DNAJB6: variants seen among roughly 807,000 people sequenced by gnomAD.
The protein encoded by DNAJB6 is DnaJ heat shock protein family (Hsp40) member B6.
DNAJB6 carries 16 observed loss-of-function variants against 42.7 expected under a neutral mutation model. The observed-to-expected ratio is 0.37, with a 90% CI of 0.25 to 0.57. The LOEUF (loss-of-function observed/expected upper bound fraction) is 0.57, where lower values mean the gene tolerates loss of function less well. DNAJB6 is among the 20% of genes least tolerant of loss of function. DNAJB6 has a pLI of 0.74. For synonymous variants in DNAJB6, 170 were observed against 163.5 expected, an observed-to-expected ratio of 1.04 and a Z score of -0.30; for missense variants, 347 against 416.8, an observed-to-expected ratio of 0.83 and a Z score of 1.46.
chr7:157,349,819 A>G (rs548765516), intron 1 of DNAJB6, among the ~76,000 whole-genome samples: 1 of 151,924 alleles, frequency 6.6e-6, no homozygotes, highest in South Asian at 2.1e-4. Context: ...TGATTTTTGT[A>G]TTTTTAGTAG....
At chr7:157,374,511 G>C (rs1800376235) in intron 5 of DNAJB6, among the ~76,000 whole-genome samples, 1 of 152,082 alleles carries the variant, frequency 6.6e-6, no homozygotes, top group Admixed American at 6.6e-5. Flanking sequence ...CACCCACCTC[G>C]GCCACCCAGA....
At chr7:157,382,400 C>G in intron 6 of DNAJB6, 23 bp downstream of exon 6, 5 of 1,524,844 alleles carry the variant, frequency 3.3e-6, no homozygotes, top group Non-Finnish European at 4.4e-6. Context: ...TAGGTTTAAT[C>G]TCTGTTATCT....
At chr7:157,352,304 C>G (rs1241043777) in intron 1 of DNAJB6, among the ~76,000 whole-genome samples, 1 of 151,824 alleles carries the variant, frequency 6.6e-6, no homozygotes, top group Non-Finnish European at 1.5e-5. Flanking sequence ...ACTCTGGCGA[C>G]AGAGCAAGAC....
chr7:157,385,141 T>C, intron 7 of DNAJB6, 133 bp downstream of exon 7: 1 of 932,370 alleles, frequency 1.1e-6, no homozygotes, highest in Non-Finnish European at 1.6e-6. Flanking sequence ...AATCTTTTGC[T>C]CTCCAAATTC....
At chr7:157,348,700 T>A (rs139198437) in intron 1 of DNAJB6, among the ~76,000 whole-genome samples, 2,547 of 152,274 alleles carry the variant, frequency 0.017, 42 homozygotes, top group Non-Finnish European at 0.026. Flanking sequence ...ACCGCTTAAC[T>A]CTTCTACTTA....
chr7:157,337,356 G>A (rs1798093962), intron 1 of DNAJB6, among the ~76,000 whole-genome samples: 1 of 151,192 alleles, frequency 6.6e-6, no homozygotes, highest in African/African-American at 2.4e-5. Context: ...CGGGGCCGGG[G>A]CTGGGGTCTG....
rs533111966 is a variant in DNAJB6, at chr7:157,341,018, A to G, written c.-27+3874A>G. On this transcript the variant is annotated intron_variant, in intron 1 of 9. Transcript: ENST00000262177. The stretch of plus-strand genomic sequence containing the variant: ...TGTGTGCGCGCGCGCAGGTGGAATC[A>G]CCCTGTGTGCCCAGGCTGGTCTCGA... Among the ~76,000 whole-genome samples, 647 of 116,906 alleles carry G rather than the reference A, an allele frequency of 5.5e-3. 6 individuals are homozygous for G. Among genetic ancestry groups the G allele is most frequent in the African/African-American group, 0.018 (615 of 33,558 alleles). 76.7% of individuals were successfully genotyped at this position (116,906 alleles called of 152,430 possible). A position where few individuals can be genotyped will look rare whatever the true frequency, so the allele number is the denominator to read the frequency against.
chr7:157,344,621 T>A (rs529050231), intron 1 of DNAJB6, among the ~76,000 whole-genome samples: 41 of 152,170 alleles, frequency 2.7e-4, no homozygotes, highest in Non-Finnish European at 4.0e-4. Context: ...TAAAAAAAAA[T>A]TTATTATTTT....
intron 8 of DNAJB6, among the ~76,000 whole-genome samples, chr7:157,387,070 GACAA>G (rs1318566621): frequency 1.3e-5 from 2 of 152,180 alleles, no homozygotes; most frequent in Non-Finnish European, 1.5e-5. Flanking sequence ...GCGGTTCCCT[GACAA>G]ACAGCGTAGC....
At chr7:157,382,128 CTT>C (rs952557591) in intron 5 of DNAJB6, 116 bp from the exon 6 acceptor site, 118 of 1,184,970 alleles carry the variant, frequency 1.0e-4, no homozygotes, top group Non-Finnish European at 1.3e-4. Context: ...GTTAAAACCT[CTT>C]AAGTTTTTTG....
intron 1 of DNAJB6, among the ~76,000 whole-genome samples, chr7:157,341,469 G>C (rs537408097): frequency 2.6e-5 from 4 of 152,294 alleles, no homozygotes; most frequent in African/African-American, 9.6e-5. Context: ...CGTGTCTTTG[G>C]AAGGGTGATT....
chr7:157,370,281 GTTA>G (rs1360806928), intron 5 of DNAJB6, among the ~76,000 whole-genome samples: 1 of 136,234 alleles, frequency 7.3e-6, no homozygotes, highest in Non-Finnish European at 1.6e-5. Context: ...TTTCATTAAC[GTTA>G]TTATTAAATG....
chr7:157,356,517 G>T (rs1410606594), intron 1 of DNAJB6, among the ~76,000 whole-genome samples: 1 of 152,132 alleles, frequency 6.6e-6, no homozygotes, highest in Non-Finnish European at 1.5e-5. Context: ...CTAACTACCA[G>T]GGAGGAAATC....
intron 1 of DNAJB6, among the ~76,000 whole-genome samples, chr7:157,354,935 G>T (rs921953467): frequency 3.3e-5 from 5 of 152,092 alleles, no homozygotes; most frequent in Non-Finnish European, 7.4e-5. Context: ...TTAAATTTTG[G>T]TCGTGTTCTA....
chr7:157,358,640 AAGT>A lies in DNAJB6; in HGVS notation c.65+7_65+9del. On this transcript the variant is annotated splice_donor_5th_base_variant and intron_variant, in intron 2 of 9. Transcript: ENST00000262177. ...TCACCCGAGGATATTAAAAAGGCGT[AAGT>A]AGTTTTATTTCTGTGGTAATGCATT... The A allele has an allele frequency of 6.2e-7, 1 of 1,609,270 alleles. No individual in the cohort carries two copies. The highest frequency in any genetic ancestry group is 8.5e-7 in the Non-Finnish European group (1 of 1,175,516).
intron 8 of DNAJB6, among the ~76,000 whole-genome samples, chr7:157,401,430 T>A (rs764465887): frequency 6.6e-6 from 1 of 152,080 alleles, no homozygotes; most frequent in African/African-American, 2.4e-5. Flanking sequence ...AGGCTGGTCT[T>A]GAACTCCTGA....
At position 157,382,315 on chromosome 7, in the gene DNAJB6, C is replaced by G. The variant is rs1412871114; in HGVS notation, c.416C>G (p.Ser139Trp). The G allele has an allele frequency of 6.2e-7, 1 of 1,611,978 alleles. No individual in the cohort carries two copies. The highest frequency in any genetic ancestry group is 2.2e-5 in the East Asian group (1 of 44,804). The stretch of plus-strand genomic sequence containing the variant: ...GGAAGCAGAAGCCGAGGGACGGGGT[C>G]GTTTTTCTCTGCGTTCAGTGGATTT... ...PRGSRSRGTG[S>W]FFSAFSGFPS... The change falls in exon 6 of 10, where the codon TCG becomes TGG. Residue 139 changes from serine to tryptophan, a missense_variant. Physicochemically the swap from Ser to Trp is radical, Grantham distance 177. This residue lies in a region of DNAJB6 where 264 missense variants were observed against 288.0 expected (regional missense o/e 0.92). Transcript: ENST00000262177.
chr7:157,339,222 C>G (rs112765723), intron 1 of DNAJB6, among the ~76,000 whole-genome samples: 34 of 142,928 alleles, frequency 2.4e-4, no homozygotes, highest in African/African-American at 8.1e-4. Context: ...CCTCATCAGT[C>G]TTCAACCTAG....
At chr7:157,362,713 C>T (rs1799664007) in intron 2 of DNAJB6, among the ~76,000 whole-genome samples, 1 of 152,236 alleles carries the variant, frequency 6.6e-6, no homozygotes, top group South Asian at 2.1e-4. Flanking sequence ...CACTGTCAGT[C>T]CACGTTGTGG....
Sources: gnomAD v4.1 joint callset for allele counts (sites outside exome capture counted in the v4.1 genomes callset) on GRCh38, gnomAD v4.1.1 for gene constraint, gnomAD v4.1.1 regional missense constraint, MANE v1.5 for transcripts, NCBI Gene and HGNC (gene_info 2026-07-23, HGNC 2026-07-21) for gene names.